The following ERC2 variants were observed in gnomAD, a reference collection of about 807,000 sequenced individuals.
ERC2 encodes the protein ELKS/RAB6-interacting/CAST family member 2.
ERC2 carries 42 observed loss-of-function variants against 114.8 expected under a neutral mutation model. The observed-to-expected ratio is 0.37, with a 90% CI of 0.29 to 0.47. The LOEUF is 0.47. ERC2 is among the 20% of genes least tolerant of loss of function. ERC2 has a pLI of 0.99. For synonymous variants in ERC2, 454 were observed against 425.5 expected, an observed-to-expected ratio of 1.07 and a Z score of -0.82; for missense variants, 939 against 1,150.7, an observed-to-expected ratio of 0.82 and a Z score of 2.66.
chr3:56,305,130 C>G (rs2056131810), intron 2 of ERC2, among the ~76,000 whole-genome samples: 1 of 151,730 alleles, frequency 6.6e-6, no homozygotes, highest in East Asian at 1.9e-4. Flanking sequence ...AAGTTATTTC[C>G]TTATCAGCAG....
At chr3:56,341,013 CT>C (rs2058069898) in intron 2 of ERC2, among the ~76,000 whole-genome samples, 1 of 152,186 alleles carries the variant, frequency 6.6e-6, no homozygotes, top group Non-Finnish European at 1.5e-5. Context: ...ATTTAGCTCA[CT>C]GAATGGTACC....
chr3:55,759,875 G>A (rs2067314513), intron 14 of ERC2, among the ~76,000 whole-genome samples: 1 of 152,142 alleles, frequency 6.6e-6, no homozygotes. Context: ...TGTGCTTAAC[G>A]AGCTCTTCTT....
intron 5 of ERC2, among the ~76,000 whole-genome samples, chr3:56,141,035 C>A (rs1483146097): frequency 6.6e-6 from 1 of 151,914 alleles, no homozygotes; most frequent in African/African-American, 2.4e-5. Flanking sequence ...AAAACAAAAA[C>A]AAAAAAATGT....
intron 6 of ERC2, among the ~76,000 whole-genome samples, chr3:56,126,112 A>ATTT (rs2079849434): frequency 6.6e-6 from 1 of 152,228 alleles, no homozygotes; most frequent in South Asian, 2.1e-4. Flanking sequence ...AATCCCAGAT[A>ATTT]TTACATCATT....
chr3:56,374,460 T>G (rs918851046), intron 2 of ERC2, among the ~76,000 whole-genome samples: 4 of 152,204 alleles, frequency 2.6e-5, no homozygotes, highest in Non-Finnish European at 4.4e-5. Flanking sequence ...CTTATTACAC[T>G]TAGTACTTGT....
At chr3:56,090,868 G>A (rs968938720) in intron 6 of ERC2, among the ~76,000 whole-genome samples, 4 of 151,810 alleles carry the variant, frequency 2.6e-5, no homozygotes, top group Admixed American at 6.6e-5. Flanking sequence ...AAGTAGCGAT[G>A]AGAACCCACC....
chr3:55,888,643 A>G (rs2063467180), intron 13 of ERC2, 94 bp from the exon 14 acceptor site: 8 of 1,464,562 alleles, frequency 5.5e-6, no homozygotes, highest in South Asian at 3.7e-5. Flanking sequence ...AACACAAAGG[A>G]ATCACAGGGA....
chr3:56,165,017 CA>C (rs1219644483), intron 4 of ERC2, among the ~76,000 whole-genome samples: 3 of 151,786 alleles, frequency 2.0e-5, no homozygotes, highest in Non-Finnish European at 2.9e-5. Flanking sequence ...TAAGAAAGTA[CA>C]CAAATCATAG....
intron 17 of ERC2, among the ~76,000 whole-genome samples, chr3:55,674,298 C>T (rs1298118492): frequency 6.6e-6 from 1 of 152,074 alleles, no homozygotes; most frequent in African/African-American, 2.4e-5. Context: ...TGGGTACTGC[C>T]CAACCACTCT....
chr3:56,125,970 G>A lies in ERC2; in HGVS notation c.1473+13539C>T, dbSNP rs142438599. Among the ~76,000 whole-genome samples the A allele has an allele frequency of 3.0e-4, 46 of 152,008 alleles. 1 individual carries two copies. Among genetic ancestry groups the A allele is most frequent in the African/African-American group, 8.4e-4 (35 of 41,452 alleles). The stretch of plus-strand genomic sequence containing the variant: ...TTTTATTATATAAATATCAAACATC[G>A]ACAAAAGTTGAGAAAATAATGTAAT... On this transcript the variant is annotated intron_variant, in intron 6 of 17. Coordinates refer to ENST00000288221, the MANE Select transcript of ERC2 (RefSeq NM_015576.3).
intron 17 of ERC2, among the ~76,000 whole-genome samples, chr3:55,623,882 G>A (rs1344160264): frequency 6.6e-6 from 1 of 152,232 alleles, no homozygotes; most frequent in Non-Finnish European, 1.5e-5. Context: ...GACTTGCTGA[G>A]AGAATTAAAT....
At chr3:55,985,689 G>A (rs552743920) in intron 12 of ERC2, among the ~76,000 whole-genome samples, 4 of 152,288 alleles carry the variant, frequency 2.6e-5, no homozygotes, top group Non-Finnish European at 4.4e-5. Flanking sequence ...AACTGCTCAG[G>A]AGAAATGCAC....
At chr3:55,863,780 A>T (rs2149266834) in intron 14 of ERC2, among the ~76,000 whole-genome samples, 1 of 152,286 alleles carries the variant, frequency 6.6e-6, no homozygotes, top group Admixed American at 6.5e-5. Context: ...CATGTAATTA[A>T]TATATAAATT....
chr3:55,997,914 G>GTT (rs1559996971), intron 10 of ERC2, among the ~76,000 whole-genome samples: 4 of 22,378 alleles, frequency 1.8e-4, no homozygotes, highest in Non-Finnish European at 2.5e-4. Flanking sequence ...TTTTGTGTGT[G>GTT]TGTGTGTGTT....
chr3:56,309,406 T>A (rs761592737), intron 2 of ERC2, among the ~76,000 whole-genome samples: 5 of 152,252 alleles, frequency 3.3e-5, no homozygotes, highest in Non-Finnish European at 5.9e-5. Context: ...AGAGGAGTTC[T>A]GGTTTTCATT....
chr3:56,303,934 A>C (rs1162266554), intron 2 of ERC2, among the ~76,000 whole-genome samples: 1 of 152,238 alleles, frequency 6.6e-6, no homozygotes, highest in East Asian at 1.9e-4. Context: ...ATACAAGCTT[A>C]CAATAAAAAA....
At chr3:55,789,832 T>G (rs1281893187) in intron 14 of ERC2, among the ~76,000 whole-genome samples, 1 of 152,204 alleles carries the variant, frequency 6.6e-6, no homozygotes, top group African/African-American at 2.4e-5. Context: ...TCTACATCCC[T>G]TGACAAGGCC....
chr3:56,024,022 T>C (rs190743519), intron 7 of ERC2, among the ~76,000 whole-genome samples: 1 of 152,326 alleles, frequency 6.6e-6, no homozygotes, highest in Non-Finnish European at 1.5e-5. Flanking sequence ...TAGTTTTCAT[T>C]ATAAAATTCC....
chr3:56,412,886 A>G (rs1031072996), intron 2 of ERC2, among the ~76,000 whole-genome samples: 2 of 152,246 alleles, frequency 1.3e-5, no homozygotes, highest in Admixed American at 6.5e-5. Flanking sequence ...GGAATATGGC[A>G]GTGCCTAGAA....
Sources: gnomAD v4.1 joint callset for allele counts (sites outside exome capture counted in the v4.1 genomes callset) on GRCh38, gnomAD v4.1.1 for gene constraint, MANE v1.5 for transcripts, NCBI Gene and HGNC (gene_info 2026-07-23, HGNC 2026-07-21) for gene names.